ZFHX3: variants seen among roughly 807,000 people sequenced by gnomAD.
ZFHX3 encodes zinc finger homeobox protein 3.
A neutral mutation model predicts 279.1 loss-of-function variants in ZFHX3; 42 were observed. The ratio of observed to expected loss-of-function variants is 0.15; its 90% CI spans 0.12 to 0.19. The LOEUF (loss-of-function observed/expected upper bound fraction) is 0.19, where lower values mean the gene tolerates loss of function less well. Among genes scored for constraint, ZFHX3 ranks in the 10% least tolerant of loss-of-function variants. The pLI, the probability that ZFHX3 is intolerant of heterozygous loss-of-function variation, is 1.00. For synonymous variants in ZFHX3, 2,293 were observed against 1,957.8 expected, an observed-to-expected ratio of 1.17 and a Z score of -4.52; for missense variants, 4,981 against 4,754.0, an observed-to-expected ratio of 1.05 and a Z score of -1.40.
intron 2 of ZFHX3, among the ~76,000 whole-genome samples, chr16:73,528,578 T>C (rs543834597): frequency 2.4e-4 from 36 of 152,062 alleles, no homozygotes; most frequent in Non-Finnish European, 4.6e-4. Context: ...ATCATTAGAG[T>C]AGAAAAGTGC....
At chr16:73,571,233 A>T (rs2051731183) in intron 2 of ZFHX3, among the ~76,000 whole-genome samples, 2 of 151,740 alleles carry the variant, frequency 1.3e-5, no homozygotes, top group South Asian at 4.1e-4. Flanking sequence ...TTGAAAATGC[A>T]TTTTTTTCCT....
intron 5 of ZFHX3, among the ~76,000 whole-genome samples, chr16:73,200,202 ATAG>A (rs372983105): frequency 7.9e-5 from 12 of 152,326 alleles, no homozygotes; most frequent in African/African-American, 2.9e-4. Flanking sequence ...ATTCTGATTA[ATAG>A]TAGTAAATCG....
intron 3 of ZFHX3, among the ~76,000 whole-genome samples, chr16:73,429,137 A>AG (rs2017864943): frequency 6.6e-6 from 1 of 152,064 alleles, no homozygotes; most frequent in South Asian, 2.1e-4. Context: ...CAATTTTTAT[A>AG]GGCCATATCT....
chr16:73,175,775 T>C (rs140626511), intron 5 of ZFHX3, among the ~76,000 whole-genome samples: 1 of 152,348 alleles, frequency 6.6e-6, no homozygotes, highest in African/African-American at 2.4e-5. Context: ...AGATCTTCTC[T>C]AACCAGTCTA....
chr16:73,592,572 G>A (rs371254290), intron 2 of ZFHX3, among the ~76,000 whole-genome samples: 4 of 152,070 alleles, frequency 2.6e-5, no homozygotes, highest in African/African-American at 9.7e-5. Context: ...ATGCTGGCTG[G>A]CCTTATACCC....
chr16:73,805,105 G>C (rs1960244159), intron 1 of ZFHX3, among the ~76,000 whole-genome samples: 2 of 152,102 alleles, frequency 1.3e-5, no homozygotes, highest in African/African-American at 4.8e-5. Flanking sequence ...CTATAGCTCT[G>C]TCATTCCACC....
At chr16:73,820,491 G>A (rs1960707014) in intron 1 of ZFHX3, among the ~76,000 whole-genome samples, 1 of 152,084 alleles carries the variant, frequency 6.6e-6, no homozygotes, top group African/African-American at 2.4e-5. Context: ...TTTACAGGGA[G>A]AGGCCATGTG....
intron 1 of ZFHX3, among the ~76,000 whole-genome samples, chr16:73,009,713 T>C (rs1963843936): frequency 6.6e-6 from 1 of 152,128 alleles, no homozygotes; most frequent in Non-Finnish European, 1.5e-5. Flanking sequence ...TGTACTTTAC[T>C]TGACCATTTA....
At chr16:73,632,719 T>C (rs890905175) in intron 2 of ZFHX3, among the ~76,000 whole-genome samples, 4 of 149,712 alleles carry the variant, frequency 2.7e-5, no homozygotes, top group Admixed American at 6.7e-5. Flanking sequence ...GTCATGATTC[T>C]GTGGACTCCA....
At chr16:73,008,299 A>C (rs1963787705) in intron 1 of ZFHX3, among the ~76,000 whole-genome samples, 1 of 152,240 alleles carries the variant, frequency 6.6e-6, no homozygotes, top group Non-Finnish European at 1.5e-5. Context: ...CTGTAACAGT[A>C]ACTTCATTTC....
intron 5 of ZFHX3, among the ~76,000 whole-genome samples, chr16:73,175,692 A>C (rs1567410339): frequency 6.6e-6 from 1 of 152,170 alleles, no homozygotes; most frequent in Admixed American, 6.5e-5. Context: ...AGCCTCTGTC[A>C]CTTATCATTT....
chr16:73,728,855 C>T (rs922335268), intron 1 of ZFHX3, among the ~76,000 whole-genome samples: 1 of 150,804 alleles, frequency 6.6e-6, no homozygotes, highest in Non-Finnish European at 1.5e-5. Flanking sequence ...ACAAGTGTAA[C>T]TGCACCTAAG....
chr16:73,535,722 C>CTTTTT (rs56867952), intron 2 of ZFHX3, among the ~76,000 whole-genome samples: 3 of 139,004 alleles, frequency 2.2e-5, no homozygotes, highest in Non-Finnish European at 3.1e-5. Context: ...TGCCCCCTAT[C>CTTTTT]TTTTTTTTTT....
chr16:73,454,743 C>G (rs935579912), intron 3 of ZFHX3, among the ~76,000 whole-genome samples: 1 of 152,036 alleles, frequency 6.6e-6, no homozygotes, highest in African/African-American at 2.4e-5. Context: ...GGGAGAGGAG[C>G]GAGACTACAA....
chr16:73,754,018 T>C (rs906554748), intron 1 of ZFHX3, among the ~76,000 whole-genome samples: 2 of 39,254 alleles, frequency 5.1e-5, no homozygotes, highest in Admixed American at 2.2e-4. Context: ...AAAATCTGAT[T>C]CAATTTTATA....
At chr16:73,647,496 T>C (rs2052630909) in intron 2 of ZFHX3, among the ~76,000 whole-genome samples, 1 of 152,168 alleles carries the variant, frequency 6.6e-6, no homozygotes, top group East Asian at 1.9e-4. Flanking sequence ...ACTGCCATCT[T>C]AAGACATCTT....
At chr16:73,548,767 T>A (rs11859499) in intron 2 of ZFHX3, among the ~76,000 whole-genome samples, 4,130 of 152,266 alleles carry the variant, frequency 0.027, 195 homozygotes, top group African/African-American at 0.093. Flanking sequence ...CTTGTATAAA[T>A]AATTATGTAA....
intron 8 of ZFHX3, among the ~76,000 whole-genome samples, chr16:73,081,051 T>C (rs1205464468): frequency 6.6e-6 from 1 of 152,222 alleles, no homozygotes; most frequent in African/African-American, 2.4e-5. Flanking sequence ...CTAGATTTGG[T>C]GCATTGCCTT....
chr16:73,372,606 C>T (rs1223164652), intron 3 of ZFHX3, among the ~76,000 whole-genome samples: 1 of 152,194 alleles, frequency 6.6e-6, no homozygotes, highest in Non-Finnish European at 1.5e-5. Context: ...TGACAACTTG[C>T]TCCTCTAGGT....
Sources: allele counts gnomAD v4.1 joint callset (sites outside exome capture counted in the v4.1 genomes callset), GRCh38; gene constraint gnomAD v4.1.1; transcripts MANE v1.5; gene names NCBI Gene and HGNC (gene_info 2026-07-23, HGNC 2026-07-21).